Variants in ZNF737 observed in about 807,000 individuals in gnomAD.
ZNF737 encodes zinc finger protein 102 (Y3).
In ZNF737, 13 loss-of-function variants were observed where a neutral mutation model predicts 11.7. The observed-to-expected ratio is 1.11, with a 90% CI of 0.73 to 1.77. The LOEUF (loss-of-function observed/expected upper bound fraction) is 1.77, where lower values mean the gene tolerates loss of function less well. Among genes scored for constraint, ZNF737 ranks in the 40% most tolerant of loss-of-function variants. The pLI is 0.00. For synonymous variants in ZNF737, 217 were observed against 216.2 expected, an observed-to-expected ratio of 1.00 and a Z score of -0.03; for missense variants, 636 against 638.0, an observed-to-expected ratio of 1.00 and a Z score of 0.03.
chr19:20,536,759 T>C (rs1165113304), downstream of ZNF737, among the ~76,000 whole-genome samples: 1 of 152,030 alleles, frequency 6.6e-6, no homozygotes, highest in Non-Finnish European at 1.5e-5. Flanking sequence ...CTGGGCAACA[T>C]GGCTAAACCT....
Position 20,545,670 on chromosome 19 carries a change from C to T in ZNF737, c.533G>A (p.Cys178Tyr), listed in dbSNP as rs782464036. ...TGKKPFKCIE[C>Y]GKAFNQSSTL... is the part of the protein sequence containing the mutation. The stretch of plus-strand genomic sequence containing the variant: ...TGAAGACTGGTTAAAAGCTTTGCCA[C>T]ATTCTATACATTTGAAAGGTTTTTT... The change falls in exon 4 of 4, where the codon TGT (cysteine) becomes TAT (tyrosine). Residue 178 changes from cysteine (C) to tyrosine (Y), a missense_variant. By Grantham distance (194) the Cys-to-Tyr change is radical (BLOSUM62 -2). Coordinates refer to ENST00000427401, the MANE Select transcript of ZNF737 (RefSeq NM_001159293.2). The T allele has an allele frequency of 1.2e-6, 2 of 1,613,828 alleles. No individual in the cohort carries two copies. Among genetic ancestry groups the T allele is most frequent in the Non-Finnish European group, 1.7e-6 (2 of 1,179,854 alleles).
intron 2 of ZNF737, among the ~76,000 whole-genome samples, chr19:20,553,025 A>AAAC (rs1568432546): frequency 9.9e-6 from 1 of 100,816 alleles, no homozygotes; most frequent in Admixed American, 9.6e-5. Context: ...AAAAAAAAAA[A>AAAC]AAAAAAAAGA....
Position 20,545,651 on chromosome 19 carries a change from C to T in ZNF737, c.552G>A (p.Gln184=). ...KCIECGKAFN[Q]SSTLTTHKKI... Reference sequence around the variant, plus strand: ...TCTTATGTGTAGTAAGGGTTGAAGACTGGTTAAAAGCTTTGCCACATTCTA... The same window carrying T: ...TCTTATGTGTAGTAAGGGTTGAAGATTGGTTAAAAGCTTTGCCACATTCTA... Residue 184 remains glutamine (Q), a synonymous_variant, in exon 4 of 4, where the codon CAG becomes CAA. Transcript: ENST00000427401. 6.2e-7 allele frequency: 1 copy of T among 1,613,910 alleles called. No individual in the cohort carries two copies. The highest frequency in any genetic ancestry group is 1.1e-5 in the South Asian group (1 of 91,046).
chr19:20,542,672 T>A lies in ZNF737; in HGVS notation c.*1920A>T. Reference sequence around the variant, plus strand: ...TTGCTCTGAACATTTACGTTATACATTACTTAATAGAATTTTACTACAAAC... The same window carrying A: ...TTGCTCTGAACATTTACGTTATACAATACTTAATAGAATTTTACTACAAAC... On this transcript the variant is annotated 3_prime_UTR_variant, in exon 4 of 4. Coordinates refer to ENST00000427401, the MANE Select transcript of ZNF737 (RefSeq NM_001159293.2). 1 of 983,140 alleles carries A rather than the reference T, an allele frequency of 1.0e-6. No individual in the cohort carries two copies. The highest frequency in any genetic ancestry group is 1.2e-6 in the Non-Finnish European group (1 of 827,878). 60.9% of individuals were successfully genotyped at this position (983,140 alleles called of 1,614,324 possible).
In ZNF737 at chr19:20,541,236, T is replaced by C; in HGVS notation, c.*3356A>G. ...TTTGTTGCAGTAATTGCTTTTATTC[T>C]GAAAATATGTACAAACCTATACTCA... On this transcript the variant is annotated 3_prime_UTR_variant, in exon 4 of 4. Transcript: ENST00000427401. 1 of 984,494 alleles carries C rather than the reference T, an allele frequency of 1.0e-6. No homozygotes were observed. Among genetic ancestry groups the C allele is most frequent in the Non-Finnish European group, 1.2e-6 (1 of 829,090 alleles). 61.0% of individuals were successfully genotyped at this position (984,494 alleles called of 1,614,324 possible).
downstream of ZNF737, chr19:20,536,208 T>G: frequency 3.2e-6 from 2 of 634,600 alleles, no homozygotes; most frequent in Non-Finnish European, 3.9e-6. Flanking sequence ...AGATTAATTT[T>G]GTTGATTTCT....
In ZNF737 at chr19:20,545,170, C is replaced by T; in HGVS notation, c.1033G>A (p.Glu345Lys). The T allele has an allele frequency of 6.2e-7, 1 of 1,613,594 alleles. No homozygotes were observed. Among genetic ancestry groups the T allele is most frequent in the South Asian group, 1.1e-5 (1 of 91,032 alleles). ...HTGEKPYKCE[E>K]CGRAFKYFSS... ...AAGTACTTAAAGGCTCTGCCACATT[C>T]TTCACATTTGTAGGGTTTCTCTCCA... Residue 345 changes from glutamate (E) to lysine (K), a missense_variant, in exon 4 of 4, where the codon GAA (glutamate) becomes AAA (lysine). Glu to Lys is a moderately conservative substitution (Grantham distance 56, BLOSUM62 1). Transcript: ENST00000427401.
Position 20,543,442 on chromosome 19 carries a change from A to G in ZNF737, c.*1150T>C. On this transcript the variant is annotated 3_prime_UTR_variant, in exon 4 of 4. Coordinates refer to ENST00000427401, the MANE Select transcript of ZNF737 (RefSeq NM_001159293.2). ...GCTTATACTTGCTGAAAGTTTTGAC[A>G]GTAATTGCCATTTTAATGCTTTTAT... 1 of 985,994 alleles carries G rather than the reference A, an allele frequency of 1.0e-6. No individual in the cohort carries two copies. Among genetic ancestry groups the G allele is most frequent in the Non-Finnish European group, 1.2e-6 (1 of 829,686 alleles). 61.1% of individuals were successfully genotyped at this position (985,994 alleles called of 1,614,324 possible).
intron 1 of ZNF737, among the ~76,000 whole-genome samples, chr19:20,560,850 A>G (rs1443737419): frequency 6.6e-6 from 1 of 152,230 alleles, no homozygotes; most frequent in Admixed American, 6.5e-5. Flanking sequence ...TTTTATTTAT[A>G]AGTAACAGCT....
At chr19:20,536,057 C>G (rs1286692320), downstream of ZNF737, 2 of 983,282 alleles carry the variant, frequency 2.0e-6, no homozygotes, top group African/African-American at 1.7e-5. Context: ...TACCTTTTAT[C>G]CGCTTCACTT....
At position 20,543,533 on chromosome 19, in the gene ZNF737, T is replaced by C. The variant is rs1968304935; in HGVS notation, c.*1059A>G. The C allele has an allele frequency of 3.0e-6, 3 of 985,238 alleles. No homozygotes were observed. Among genetic ancestry groups the C allele is most frequent in the Admixed American group, 6.1e-5 (1 of 16,270 alleles). The allele number at this position is 985,238 out of a possible 1,614,324, so 61.0% of individuals were successfully genotyped here. A position where few individuals can be genotyped will look rare whatever the true frequency, so the allele number is the denominator to read the frequency against. On this transcript the variant is annotated 3_prime_UTR_variant, in exon 4 of 4. Coordinates refer to ENST00000427401, the MANE Select transcript of ZNF737 (RefSeq NM_001159293.2). ...ATTAATAGGTTTTCCATATTCCTTC[T>C]ATTTGTACAATTTTTCTCAAGGATA...
chr19:20,543,479 T>C lies in ZNF737; in HGVS notation c.*1113A>G. 6 of 985,336 alleles carry C rather than the reference T, an allele frequency of 6.1e-6. No individual in the cohort carries two copies. The highest frequency in any genetic ancestry group is 6.0e-6 in the Non-Finnish European group (5 of 829,718). The allele number at this position is 985,336 out of a possible 1,614,324, so 61.0% of individuals were successfully genotyped here. ...TTTAATGCTTTTATTAAAAGGAAGA[T>C]TTTTATGTTGAGTTAGATGTGAGTA... On this transcript the variant is annotated 3_prime_UTR_variant, in exon 4 of 4. Transcript: ENST00000427401.
At chr19:20,530,676 C>T in the ZNF737 span, among the ~76,000 whole-genome samples, 14 of 148,186 alleles carry the variant, frequency 9.4e-5, 1 homozygote, top group Admixed American at 4.7e-4. Flanking sequence ...GATGGGCAGC[C>T]GGGCAGAGAT....
In ZNF737 at chr19:20,541,298, A is replaced by G. The variant is rs1968195224; in HGVS notation, c.*3294T>C. On this transcript the variant is annotated 3_prime_UTR_variant, in exon 4 of 4. Coordinates refer to ENST00000427401, the MANE Select transcript of ZNF737 (RefSeq NM_001159293.2). The stretch of plus-strand genomic sequence containing the variant: ...TCAATTCATAATTTTCTTACACCTC[A>G]GGTTTATCTTCAGAGTAATATGTGT... The G allele has an allele frequency of 3.0e-6, 3 of 984,112 alleles. No individual in the cohort carries two copies. Among genetic ancestry groups the G allele is most frequent in the African/African-American group, 1.8e-5 (1 of 57,066 alleles). The allele number at this position is 984,112 out of a possible 1,614,324, so 61.0% of individuals were successfully genotyped here.
chr19:20,551,477 T>C (rs1968670367), intron 3 of ZNF737, among the ~76,000 whole-genome samples: 1 of 145,236 alleles, frequency 6.9e-6, no homozygotes, highest in Non-Finnish European at 1.5e-5. Context: ...TCCATTGCAA[T>C]TGAAGAAAAA....
Position 20,539,256 on chromosome 19 carries a change from G to A in ZNF737, c.*5336C>T, listed in dbSNP as rs1968101763. ...AGTGAGCTGAGCACGTACCATTGCA[G>A]TGCAGCGTGAGTGACAGAGTGAGAA... On this transcript the variant is annotated 3_prime_UTR_variant, in exon 4 of 4. Transcript: ENST00000427401. The A allele has an allele frequency of 8.6e-6, 8 of 925,934 alleles. No individual in the cohort carries two copies. The South Asian group carries it at 4.0e-4, about 46-fold the overall frequency. 57.4% of individuals were successfully genotyped at this position (925,934 alleles called of 1,614,324 possible).
rs561839776 is a variant in ZNF737 at position 20,544,550 on chromosome 19, A to T, written c.*42T>A. 1 of 1,549,090 alleles carries T rather than the reference A, an allele frequency of 6.5e-7. No individual in the cohort carries two copies. Among genetic ancestry groups the T allele is most frequent in the South Asian group, 1.2e-5 (1 of 81,706 alleles). ...AATATGAATTTTCTTATGTGAAAAA[A>T]GCATAGTGGGATAGCTTAAAGCTTT... On this transcript the variant is annotated 3_prime_UTR_variant, in exon 4 of 4. Transcript: ENST00000427401.
chr19:20,542,882 C>T lies in ZNF737; in HGVS notation c.*1710G>A, dbSNP rs953334767. The stretch of plus-strand genomic sequence containing the variant: ...ACAGCATAATTTGAAAGCTGTATTA[C>T]ATCATTATTCAGCTTTCAAAAAATT... On this transcript the variant is annotated 3_prime_UTR_variant, in exon 4 of 4. Coordinates refer to ENST00000427401, the MANE Select transcript of ZNF737 (RefSeq NM_001159293.2). 9.5e-5 allele frequency: 94 copies of T among 984,678 alleles called. No individual in the cohort carries two copies. Among genetic ancestry groups the T allele is most frequent in the Non-Finnish European group, 1.1e-4 (92 of 829,402 alleles). The allele number at this position is 984,678 out of a possible 1,614,324, so 61.0% of individuals were successfully genotyped here. A position where few individuals can be genotyped will look rare whatever the true frequency, so the allele number is the denominator to read the frequency against.
downstream of ZNF737, chr19:20,535,854 TAAA>T (rs35597979): frequency 2.1e-5 from 3 of 141,846 alleles, no homozygotes; most frequent in Admixed American, 7.1e-5. Flanking sequence ...ATGTAAAGTG[TAAA>T]AAAAAAAAAA....
Sources: gnomAD v4.1 joint callset for allele counts (sites outside exome capture counted in the v4.1 genomes callset) on GRCh38, gnomAD v4.1.1 for gene constraint, MANE v1.5 for transcripts, NCBI Gene and HGNC (gene_info 2026-07-23, HGNC 2026-07-21) for gene names.